The following SLC10A7 variants were observed in gnomAD, a reference collection of about 807,000 sequenced individuals.
SLC10A7 encodes solute carrier family 10 member 7.
Under a neutral mutation model 43.2 loss-of-function variants are expected in SLC10A7, and 29 were observed. The observed-to-expected ratio is 0.67, with a 90% CI of 0.50 to 0.92. The LOEUF is 0.92. Ranked by LOEUF, SLC10A7 falls within the 40% of genes least tolerant of loss-of-function variation. The pLI is 0.00. For synonymous variants in SLC10A7, 152 were observed against 144.8 expected (o/e 1.05, Z -0.35); for missense variants, 295 against 403.2 (o/e 0.73, Z 2.30).
chr4:146,289,583 A>G (rs1314369146), intron 9 of SLC10A7, among the ~76,000 whole-genome samples: 1 of 151,828 alleles, frequency 6.6e-6, no homozygotes, highest in Non-Finnish European at 1.5e-5. Flanking sequence ...CAGAATGGTT[A>G]GGTCATTGGA....
intron 5 of SLC10A7, among the ~76,000 whole-genome samples, chr4:146,414,468 A>T (rs1481848495): frequency 1.3e-5 from 2 of 152,160 alleles, no homozygotes; most frequent in East Asian, 3.8e-4. Context: ...TCACGCCTGT[A>T]ATCCCAGCAC....
intron 5 of SLC10A7, among the ~76,000 whole-genome samples, chr4:146,438,831 T>C (rs1730393328): frequency 6.6e-6 from 1 of 152,028 alleles, no homozygotes; most frequent in Non-Finnish European, 1.5e-5. Flanking sequence ...AAATTTCAAT[T>C]AGAATTTTCC....
intron 9 of SLC10A7, among the ~76,000 whole-genome samples, 159 bp downstream of exon 9, chr4:146,292,770 T>G (rs1353696116): frequency 6.6e-6 from 1 of 152,054 alleles, no homozygotes; most frequent in African/African-American, 2.4e-5. Context: ...TGTCTACAAT[T>G]TGAAGGTGGC....
At chr4:146,294,867 G>A (rs1030689664) in intron 7 of SLC10A7, among the ~76,000 whole-genome samples, 1 of 152,152 alleles carries the variant, frequency 6.6e-6, no homozygotes, top group African/African-American at 2.4e-5. Flanking sequence ...GGACATAAAA[G>A]TGAACCACTC....
chr4:146,484,900 CCTTT>C (rs1425531271), intron 4 of SLC10A7, among the ~76,000 whole-genome samples: 1 of 152,104 alleles, frequency 6.6e-6, no homozygotes, highest in Non-Finnish European at 1.5e-5. Context: ...AAATTAACTT[CCTTT>C]ATTTCCTTAA....
At chr4:146,262,077 A>G (rs771971448) in intron 10 of SLC10A7, among the ~76,000 whole-genome samples, 1 of 152,112 alleles carries the variant, frequency 6.6e-6, no homozygotes, top group Non-Finnish European at 1.5e-5. Flanking sequence ...CAATCATTCA[A>G]TTATCTACTT....
At chr4:146,370,530 G>A (rs1736696321) in intron 5 of SLC10A7, among the ~76,000 whole-genome samples, 1 of 152,130 alleles carries the variant, frequency 6.6e-6, no homozygotes, top group African/African-American at 2.4e-5. Flanking sequence ...GGAGTCCCCT[G>A]AGCAGATTGG....
chr4:146,435,352 T>C (rs1164716570), intron 5 of SLC10A7, among the ~76,000 whole-genome samples: 11 of 152,208 alleles, frequency 7.2e-5, no homozygotes, highest in Non-Finnish European at 1.5e-5. Flanking sequence ...ATTTTCCTCC[T>C]GCTTCTCTCC....
At chr4:146,337,176 A>T (rs1733947307) in intron 5 of SLC10A7, among the ~76,000 whole-genome samples, 1 of 152,220 alleles carries the variant, frequency 6.6e-6, no homozygotes, top group African/African-American at 2.4e-5. Flanking sequence ...GAAGTTTCTT[A>T]AAAATGCTTA....
intron 5 of SLC10A7, among the ~76,000 whole-genome samples, chr4:146,432,377 T>G (rs1419538327): frequency 6.6e-6 from 1 of 152,208 alleles, no homozygotes; most frequent in Non-Finnish European, 1.5e-5. Flanking sequence ...AACCAGTTCA[T>G]CAACTGGTAA....
At position 146,325,815 on chromosome 4, in the gene SLC10A7, T is replaced by TC. The variant is rs1733063249; in HGVS notation, c.471+145_471+146insG. 1.4e-5 allele frequency: 10 copies of TC among 733,092 alleles called. 1 individual carries two copies. In the East Asian group the frequency reaches 2.5e-4, roughly 18 times the overall value. The allele number at this position is 733,092 out of a possible 1,614,324, so 45.4% of individuals were successfully genotyped here. A position where few individuals can be genotyped will look rare whatever the true frequency, so the allele number is the denominator to read the frequency against. On this transcript the variant is annotated intron_variant, in intron 6 of 11. Coordinates refer to ENST00000335472, the MANE Select transcript of SLC10A7 (RefSeq NM_001029998.6). Reference sequence around the variant, plus strand: ...TATGAAGCTTCTTCGTATCTGAATATTATTATGCGGTACAGCTAAACTGGA... The same window carrying TC: ...TATGAAGCTTCTTCGTATCTGAATATCTATTATGCGGTACAGCTAAACTGGA...
intron 5 of SLC10A7, among the ~76,000 whole-genome samples, chr4:146,373,780 A>G (rs1354949698): frequency 6.6e-6 from 1 of 152,202 alleles, no homozygotes; most frequent in Non-Finnish European, 1.5e-5. Flanking sequence ...CCACATATGA[A>G]TGATTTTTTT....
At chr4:146,383,816 A>G (rs540144497) in intron 5 of SLC10A7, among the ~76,000 whole-genome samples, 2 of 152,308 alleles carry the variant, frequency 1.3e-5, no homozygotes, top group African/African-American at 4.8e-5. Flanking sequence ...GATGAAGACA[A>G]CAACAAGCTA....
chr4:146,392,868 C>T (rs1738541902), intron 5 of SLC10A7, among the ~76,000 whole-genome samples: 1 of 152,292 alleles, frequency 6.6e-6, no homozygotes, highest in East Asian at 1.9e-4. Context: ...CTTGCTACCA[C>T]TGACTACCTC....
At chr4:146,290,691 C>T (rs895433250) in intron 9 of SLC10A7, among the ~76,000 whole-genome samples, 7 of 151,996 alleles carry the variant, frequency 4.6e-5, no homozygotes, top group Non-Finnish European at 7.4e-5. Context: ...AAGAGCTTGT[C>T]GCTACAAAAA....
At chr4:146,471,102 G>A (rs944548553) in intron 4 of SLC10A7, among the ~76,000 whole-genome samples, 2 of 152,110 alleles carry the variant, frequency 1.3e-5, no homozygotes, top group Non-Finnish European at 2.9e-5. Flanking sequence ...TTTTTCAGAT[G>A]TTTGAATATC....
At chr4:146,493,950 G>A (rs76914777) in intron 4 of SLC10A7, among the ~76,000 whole-genome samples, 3,660 of 152,242 alleles carry the variant, frequency 0.024, 147 homozygotes, top group African/African-American at 0.083. Flanking sequence ...GCAAGCACTC[G>A]ACATACGTTT....
chr4:146,294,031 C>T lies in SLC10A7; in HGVS notation c.620G>A (p.Ser207Asn). The T allele has an allele frequency of 6.2e-7, 1 of 1,610,952 alleles. No homozygotes were observed. Among genetic ancestry groups the T allele is most frequent in the Non-Finnish European group, 8.5e-7 (1 of 1,177,972 alleles). The change falls in exon 8 of 12, where the codon AGC becomes AAC. Residue 207 changes from serine to asparagine, a missense_variant. By Grantham distance (46) the Ser-to-Asn change is conservative. Transcript: ENST00000335472. Reference sequence around the variant, plus strand: ...GTAGATGATCATGAGGAGTACACTGCTGCTGATAGCACCAAAAGGAGGCTT... The same window carrying T: ...GTAGATGATCATGAGGAGTACACTGTTGCTGATAGCACCAAAAGGAGGCTT... ...RKKPPFGAIS[S>N]SVLLMIIYTT...
chr4:146,342,520 A>G (rs1228655263), intron 5 of SLC10A7, among the ~76,000 whole-genome samples: 1 of 151,826 alleles, frequency 6.6e-6, no homozygotes, highest in African/African-American at 2.4e-5. Flanking sequence ...CAATCTTTTA[A>G]GAATGTCTTT....
Sources: gnomAD v4.1 joint callset for allele counts (sites outside exome capture counted in the v4.1 genomes callset) on GRCh38, gnomAD v4.1.1 for gene constraint, MANE v1.5 for transcripts, NCBI Gene and HGNC (gene_info 2026-07-23, HGNC 2026-07-21) for gene names.